TBC1D22A: variants seen among roughly 807,000 people sequenced by gnomAD.
TBC1D22A encodes putative GTPase activator.
TBC1D22A carries 38 observed loss-of-function variants against 60.2 expected under a neutral mutation model. The ratio of observed to expected loss-of-function variants is 0.63; its 90% CI spans 0.49 to 0.83. The LOEUF is 0.83. Ranked by LOEUF, TBC1D22A falls within the 40% of genes least tolerant of loss-of-function variation. TBC1D22A has a pLI of 0.00. For synonymous variants in TBC1D22A, 302 were observed against 281.7 expected (o/e 1.07, Z -0.72); for missense variants, 628 against 701.0 (o/e 0.90, Z 1.18).
intron 12 of TBC1D22A, among the ~76,000 whole-genome samples, chr22:47,159,293 ACC>A (rs201788185): frequency 6.7e-6 from 1 of 148,228 alleles, no homozygotes; most frequent in East Asian, 2.0e-4. Flanking sequence ...CACACTACAC[ACC>A]CCACACACAC....
chr22:46,949,209 A>G (rs2072744154), intron 8 of TBC1D22A, among the ~76,000 whole-genome samples: 1 of 152,206 alleles, frequency 6.6e-6, no homozygotes, highest in South Asian at 2.1e-4. Flanking sequence ...AGAAGACGCA[A>G]CATCAAGGTC....
At chr22:47,088,511 C>T (rs1246215035) in intron 11 of TBC1D22A, among the ~76,000 whole-genome samples, 1 of 152,198 alleles carries the variant, frequency 6.6e-6, no homozygotes, top group East Asian at 1.9e-4. Flanking sequence ...AAAGCCCTTA[C>T]TAGTTCACCC....
intron 8 of TBC1D22A, among the ~76,000 whole-genome samples, chr22:46,946,392 C>T (rs1358169855): frequency 1.3e-5 from 2 of 152,220 alleles, no homozygotes; most frequent in African/African-American, 4.8e-5. Context: ...TTGGTGCTCC[C>T]TGCTCCCCCT....
chr22:46,823,892 T>TGG (rs908832062), intron 4 of TBC1D22A, among the ~76,000 whole-genome samples: 11 of 151,874 alleles, frequency 7.2e-5, no homozygotes, highest in Admixed American at 6.6e-4. Context: ...CGCACACAAG[T>TGG]GGGATGGACA....
intron 11 of TBC1D22A, among the ~76,000 whole-genome samples, chr22:47,082,580 C>T (rs1569427946): frequency 6.6e-6 from 1 of 152,240 alleles, no homozygotes; most frequent in African/African-American, 2.4e-5. Context: ...TTCAGATAGA[C>T]ACTGCACAGC....
chr22:47,112,411 C>T lies in TBC1D22A; in HGVS notation c.1425+808C>T, dbSNP rs558224817. Among the ~76,000 whole-genome samples, 4 of 152,314 alleles carry T rather than the reference C, an allele frequency of 2.6e-5. No homozygotes were observed. The South Asian group carries it at 6.2e-4, about 24-fold the overall frequency. On this transcript the variant is annotated intron_variant, in intron 12 of 12. Transcript: ENST00000337137. Reference sequence around the variant, plus strand: ...GCCACACTTCACCGCTCTCCCTTCTCGAGGCTCTCGTCTCTCAGATAAAGG... The same window carrying T: ...GCCACACTTCACCGCTCTCCCTTCTTGAGGCTCTCGTCTCTCAGATAAAGG...
chr22:47,005,796 TATATACACACTCTCC>T (rs753769447), intron 10 of TBC1D22A, among the ~76,000 whole-genome samples: 5 of 150,302 alleles, frequency 3.3e-5, no homozygotes, highest in Non-Finnish European at 7.4e-5. Context: ...CACACAGCCT[TATATACACACTCTCC>T]ATATACACAC....
chr22:47,104,598 G>A (rs2065553692), intron 11 of TBC1D22A, among the ~76,000 whole-genome samples: 1 of 151,582 alleles, frequency 6.6e-6, no homozygotes. Context: ...CAGAGGCTGA[G>A]GCAGGAGAAT....
chr22:46,913,816 G>C (rs1569214356), intron 8 of TBC1D22A: 1 of 956,606 alleles, frequency 1.0e-6, no homozygotes, highest in Non-Finnish European at 1.2e-6. Context: ...TCTGTTGTAA[G>C]ACCTAAGCGA....
chr22:46,983,119 G>A (rs1018353478), intron 9 of TBC1D22A, among the ~76,000 whole-genome samples: 2 of 152,234 alleles, frequency 1.3e-5, no homozygotes, highest in African/African-American at 4.8e-5. Flanking sequence ...GAGTGAATGA[G>A]GTTGTGAGAC....
chr22:47,072,096 A>G (rs966851534), intron 11 of TBC1D22A, among the ~76,000 whole-genome samples: 1 of 152,146 alleles, frequency 6.6e-6, no homozygotes, highest in Non-Finnish European at 1.5e-5. Context: ...CAGCCCTCCG[A>G]GTGTGCTCGG....
intron 8 of TBC1D22A, among the ~76,000 whole-genome samples, chr22:46,922,745 G>A (rs1321833917): frequency 1.3e-5 from 2 of 152,162 alleles, no homozygotes; most frequent in Non-Finnish European, 2.9e-5. Flanking sequence ...GACATTGTTA[G>A]TGTACAGAAA....
intron 5 of TBC1D22A, among the ~76,000 whole-genome samples, chr22:46,883,984 G>A (rs917174838): frequency 1.3e-5 from 2 of 152,192 alleles, no homozygotes; most frequent in African/African-American, 4.8e-5. Flanking sequence ...GGCCACCTTT[G>A]GGTCTGACAG....
At chr22:47,057,722 T>C (rs975429844) in intron 11 of TBC1D22A, among the ~76,000 whole-genome samples, 1 of 152,158 alleles carries the variant, frequency 6.6e-6, no homozygotes, top group Non-Finnish European at 1.5e-5. Context: ...TTACTCACTA[T>C]CGCGAGAATA....
intron 5 of TBC1D22A, among the ~76,000 whole-genome samples, chr22:46,880,748 C>T (rs2147510139): frequency 6.6e-6 from 1 of 152,108 alleles, no homozygotes; most frequent in East Asian, 1.9e-4. Flanking sequence ...GACTTCACAC[C>T]TGGGATCTGC....
chr22:47,117,758 G>C (rs1054474404), intron 12 of TBC1D22A, among the ~76,000 whole-genome samples: 1 of 152,168 alleles, frequency 6.6e-6, no homozygotes, highest in Admixed American at 6.5e-5. Context: ...ATTTAAAACT[G>C]TATAAAACAT....
chr22:46,894,031 C>T (rs1217856598), intron 6 of TBC1D22A, among the ~76,000 whole-genome samples: 1 of 152,134 alleles, frequency 6.6e-6, no homozygotes, highest in African/African-American at 2.4e-5. Context: ...AAGGATGGGG[C>T]GAAATGAAAT....
chr22:46,956,859 A>G (rs978857724), intron 8 of TBC1D22A, among the ~76,000 whole-genome samples: 7 of 152,196 alleles, frequency 4.6e-5, no homozygotes, highest in African/African-American at 1.7e-4. Context: ...TTGAGCACAG[A>G]CTTTCCGGGA....
chr22:46,946,389 T>C (rs136062), intron 8 of TBC1D22A, among the ~76,000 whole-genome samples: 43,497 of 152,050 alleles, frequency 0.29, 6,350 homozygotes, highest in African/African-American at 0.34. Flanking sequence ...GCCTTGGTGC[T>C]CCCTGCTCCC....
Sources: gnomAD v4.1 joint callset for allele counts (sites outside exome capture counted in the v4.1 genomes callset) on GRCh38, gnomAD v4.1.1 for gene constraint, MANE v1.5 for transcripts, NCBI Gene and HGNC (gene_info 2026-07-23, HGNC 2026-07-21) for gene names.